GPM6A: variants seen among roughly 807,000 people sequenced by gnomAD.
GPM6A encodes glycoprotein M6A.
In GPM6A, 7 loss-of-function variants were observed where a neutral mutation model predicts 32.1. That is an observed-to-expected ratio of 0.22 (90% CI 0.12 to 0.41). The LOEUF (loss-of-function observed/expected upper bound fraction) is 0.41, where lower values mean the gene tolerates loss of function less well. GPM6A is among the 10% of genes least tolerant of loss of function. GPM6A has a pLI of 1.00. For synonymous variants in GPM6A, 130 were observed against 123.4 expected (o/e 1.05, Z -0.35); for missense variants, 235 against 347.2 (o/e 0.68, Z 2.57).
chr4:175,722,588 A>G (rs1261580030), intron 1 of GPM6A, among the ~76,000 whole-genome samples: 1 of 151,946 alleles, frequency 6.6e-6, no homozygotes, highest in African/African-American at 2.4e-5. Flanking sequence ...TCCATAATTT[A>G]CTTTTACCAA....
intron 6 of GPM6A, among the ~76,000 whole-genome samples, chr4:175,636,281 TATATATATATATATATAC>T (rs1166643937): frequency 4.4e-4 from 57 of 129,960 alleles, no homozygotes; most frequent in Non-Finnish European, 7.2e-4. Context: ...TATATATATA[TATATATATATATATATAC>T]ATATATATAT....
intron 3 of GPM6A, among the ~76,000 whole-genome samples, chr4:175,655,163 G>A (rs921711030): frequency 3.9e-5 from 6 of 152,072 alleles, no homozygotes; most frequent in Non-Finnish European, 7.4e-5. Flanking sequence ...GGATGATATA[G>A]AGTAAATCAG....
chr4:175,845,428 C>T (rs901763060), intron 1 of GPM6A, among the ~76,000 whole-genome samples: 2 of 152,062 alleles, frequency 1.3e-5, no homozygotes, highest in African/African-American at 2.4e-5. Context: ...TATATTATTT[C>T]ACATTCTTGA....
intron 1 of GPM6A, among the ~76,000 whole-genome samples, chr4:175,854,166 C>G (rs1443395058): frequency 6.6e-6 from 1 of 152,048 alleles, no homozygotes; most frequent in African/African-American, 2.4e-5. Flanking sequence ...ATAAGTGTAT[C>G]TAGAATAAAG....
At chr4:175,979,235 T>C (rs983171575) in intron 1 of GPM6A, among the ~76,000 whole-genome samples, 1 of 152,152 alleles carries the variant, frequency 6.6e-6, no homozygotes, top group African/African-American at 2.4e-5. Flanking sequence ...AACGACTTGT[T>C]TTTCAAGCAA....
intron 6 of GPM6A, 47 bp downstream of exon 6, chr4:175,640,082 T>G (rs1482127869): frequency 9.3e-6 from 13 of 1,390,420 alleles, no homozygotes; most frequent in Non-Finnish European, 1.3e-5. Flanking sequence ...AGCAAATAGC[T>G]TTGGAATTCA....
intron 1 of GPM6A, among the ~76,000 whole-genome samples, chr4:175,996,234 G>A (rs1486687049): frequency 3.9e-5 from 6 of 152,152 alleles, no homozygotes; most frequent in Non-Finnish European, 8.8e-5. Flanking sequence ...AACTTTGCCA[G>A]ATAAAAGTAT....
chr4:175,835,554 G>T (rs535695467), intron 1 of GPM6A, among the ~76,000 whole-genome samples: 3 of 150,308 alleles, frequency 2.0e-5, no homozygotes, highest in Non-Finnish European at 1.5e-5. Context: ...GCCAAGAAGC[G>T]CCAATATTGA....
intron 1 of GPM6A, among the ~76,000 whole-genome samples, chr4:175,879,204 C>T (rs1737186322): frequency 6.6e-6 from 1 of 152,106 alleles, no homozygotes. Context: ...GCAAACTTTC[C>T]CATGTCTTCC....
At chr4:175,725,213 G>A (rs920803637) in intron 1 of GPM6A, among the ~76,000 whole-genome samples, 5 of 151,764 alleles carry the variant, frequency 3.3e-5, no homozygotes, top group Admixed American at 3.3e-4. Context: ...CATAATAAGA[G>A]CTAAACAAAT....
chr4:175,935,446 T>C (rs1198724713), intron 1 of GPM6A, among the ~76,000 whole-genome samples: 2 of 152,190 alleles, frequency 1.3e-5, no homozygotes, highest in Non-Finnish European at 2.9e-5. Context: ...AAAGAAGTCC[T>C]GCCCAGCTGA....
rs780096379 is a variant in GPM6A, at chr4:175,831,715, C to CT, written c.-22-19467dup. Among the ~76,000 whole-genome samples, 371 of 69,918 alleles carry CT rather than the reference C, an allele frequency of 5.3e-3. 20 individuals are homozygous for CT. The highest frequency in any genetic ancestry group is 0.017 in the Middle Eastern group (1 of 60). The allele number at this position is 69,918 out of a possible 152,430, so 45.9% of individuals were successfully genotyped here. ...CTTGTTAAGGCCCATTTAGCCATCT[C>CT]TTTTTTTTTTTTTTTTTTTTTTTGA... On this transcript the variant is annotated intron_variant, in intron 1 of 7. Transcript: ENST00000280187.
chr4:175,700,013 C>T (rs958069376), intron 2 of GPM6A, among the ~76,000 whole-genome samples: 1 of 152,054 alleles, frequency 6.6e-6, no homozygotes, highest in African/African-American at 2.4e-5. Context: ...CAGGCTTGTG[C>T]CACCATGCCC....
intron 1 of GPM6A, among the ~76,000 whole-genome samples, chr4:175,837,016 A>G (rs376382004): frequency 6.6e-6 from 1 of 152,158 alleles, no homozygotes. Flanking sequence ...ATATGGGAGG[A>G]TTATCTTGGG....
In GPM6A at chr4:175,827,243, AAT is replaced by A. The variant is rs553261335; in HGVS notation, c.-22-14996_-22-14995del. ...GTGAAGCATGTATGCTGTAGAAAAAAATGTCAACTATATTTAGTAGCTCAGTA... is the reference window on the plus strand; with the variant it reads ...GTGAAGCATGTATGCTGTAGAAAAAAGTCAACTATATTTAGTAGCTCAGTA... On this transcript the variant is annotated intron_variant, in intron 1 of 7. Coordinates refer to the GPM6A transcript ENST00000280187. 4.5e-3 allele frequency among the ~76,000 whole-genome samples: 691 copies of A among 152,334 alleles called. 7 individuals are homozygous for A. The highest frequency in any genetic ancestry group is 0.016 in the African/African-American group (666 of 41,570).
At chr4:175,744,748 T>G (rs1429445050) in intron 1 of GPM6A, among the ~76,000 whole-genome samples, 1 of 152,154 alleles carries the variant, frequency 6.6e-6, no homozygotes, top group African/African-American at 2.4e-5. Context: ...ACCTTCAACG[T>G]TAGCTGTCCA....
At chr4:175,778,875 C>T (rs543931961) in intron 1 of GPM6A, among the ~76,000 whole-genome samples, 45 of 149,646 alleles carry the variant, frequency 3.0e-4, no homozygotes, top group African/African-American at 1.0e-3. Flanking sequence ...ATGGATATAT[C>T]AATAATATAA....
At chr4:175,978,829 T>G (rs796554202) in intron 1 of GPM6A, among the ~76,000 whole-genome samples, 81 of 152,312 alleles carry the variant, frequency 5.3e-4, no homozygotes, top group African/African-American at 1.8e-3. Flanking sequence ...TAAGTGAGTC[T>G]GATGCATTAG....
chr4:175,670,620 T>C (rs564109984), intron 3 of GPM6A, among the ~76,000 whole-genome samples: 1 of 152,292 alleles, frequency 6.6e-6, no homozygotes, highest in Non-Finnish European at 1.5e-5. Context: ...TTTCATATAA[T>C]GTTTTAATAA....
Sources: allele counts gnomAD v4.1 joint callset (sites outside exome capture counted in the v4.1 genomes callset), GRCh38; gene constraint gnomAD v4.1.1; transcripts MANE v1.5; gene names NCBI Gene and HGNC (gene_info 2026-07-23, HGNC 2026-07-21).